The following FKBP5 variants were observed in gnomAD, a reference collection of about 807,000 sequenced individuals.
FKBP5 encodes peptidyl-prolyl cis-trans isomerase FKBP5.
Under a neutral mutation model 50.5 loss-of-function variants are expected in FKBP5, and 23 were observed. The observed-to-expected ratio is 0.46, with a 90% CI of 0.33 to 0.65. The LOEUF (loss-of-function observed/expected upper bound fraction) is 0.65. Among genes scored for constraint, FKBP5 ranks in the 30% least tolerant of loss-of-function variants. FKBP5 has a pLI of 0.02. For synonymous variants in FKBP5, 176 were observed against 190.6 expected (o/e 0.92, Z 0.63); for missense variants, 411 against 553.1 (o/e 0.74, Z 2.58).
intron 9 of FKBP5, among the ~76,000 whole-genome samples, chr6:35,577,571 A>C (rs2150949301): frequency 6.6e-6 from 1 of 152,372 alleles, no homozygotes; most frequent in East Asian, 1.9e-4. Context: ...ACAAACTTTA[A>C]AACTACTGAA....
intron 1 of FKBP5, among the ~76,000 whole-genome samples, chr6:35,684,067 A>G (rs1193334938): frequency 6.6e-6 from 1 of 152,100 alleles, no homozygotes; most frequent in African/African-American, 2.4e-5. Context: ...AAATAATAAT[A>G]ATAAAATAAA....
chr6:35,589,661 T>C (rs1251979089), intron 7 of FKBP5, among the ~76,000 whole-genome samples: 1 of 152,034 alleles, frequency 6.6e-6, no homozygotes. Context: ...AAAATGGAAA[T>C]AGTAAAGCCA....
upstream of FKBP5, among the ~76,000 whole-genome samples, chr6:35,690,006 C>T (rs1371093184): frequency 1.3e-5 from 2 of 152,196 alleles, no homozygotes; most frequent in African/African-American, 4.8e-5. Flanking sequence ...AACCTGATGT[C>T]CCATAGCTAG....
At chr6:35,696,599 CTT>C (rs1766086221) in intron 2 of FKBP5, among the ~76,000 whole-genome samples, 1 of 151,934 alleles carries the variant, frequency 6.6e-6, no homozygotes, top group African/African-American at 2.4e-5. Context: ...TTAAGTAAGA[CTT>C]AACGTTGTTA....
intron 9 of FKBP5, among the ~76,000 whole-genome samples, chr6:35,579,328 CTTTTA>C (rs759150931): frequency 2.0e-5 from 3 of 152,116 alleles, no homozygotes; most frequent in Non-Finnish European, 4.4e-5. Context: ...TTTTCTTATC[CTTTTA>C]TGTCTACCTT....
chr6:35,622,444 GAGGCT>G (rs1763873544), intron 3 of FKBP5, among the ~76,000 whole-genome samples: 1 of 151,628 alleles, frequency 6.6e-6, no homozygotes, highest in South Asian at 2.1e-4. Context: ...CTAGGAGTAA[GAGGCT>G]ACAGTGAGCA....
At chr6:35,582,350 C>A in intron 8 of FKBP5, 2 of 935,446 alleles carry the variant, frequency 2.1e-6, no homozygotes, top group Non-Finnish European at 2.5e-6. Context: ...GAAGCCCTCA[C>A]CCCGAATGTG....
intron 1 of FKBP5, among the ~76,000 whole-genome samples, chr6:35,724,408 G>T (rs191629931): frequency 5.5e-4 from 84 of 152,264 alleles, no homozygotes; most frequent in Admixed American, 1.6e-3. Flanking sequence ...TCAGCCTGTC[G>T]AATGGGCTAA....
chr6:35,591,028 ACAC>A (rs1344731501), intron 7 of FKBP5, 99 bp downstream of exon 7: 5 of 694,704 alleles, frequency 7.2e-6, no homozygotes, highest in Non-Finnish European at 1.2e-5. Flanking sequence ...TAATGAATAA[ACAC>A]CATCTATCTA....
chr6:35,708,286 C>T (rs1327176921), intron 2 of FKBP5, among the ~76,000 whole-genome samples: 2 of 151,956 alleles, frequency 1.3e-5, no homozygotes, highest in Non-Finnish European at 2.9e-5. Context: ...ACAGAGTCTC[C>T]CTCTGTCACC....
intron 5 of FKBP5, among the ~76,000 whole-genome samples, chr6:35,609,432 T>C (rs1040698525): frequency 1.3e-5 from 2 of 152,202 alleles, no homozygotes; most frequent in Admixed American, 6.5e-5. Context: ...CCTTTGTACA[T>C]AGCTTGTTCT....
At position 35,620,224 on chromosome 6, in the gene FKBP5, C is replaced by T. The variant is rs1200152776; in HGVS notation, c.301G>A (p.Glu101Lys). 1 of 1,614,168 alleles carries T rather than the reference C, an allele frequency of 6.2e-7. No homozygotes were observed. The highest frequency in any genetic ancestry group is 1.1e-5 in the South Asian group (1 of 91,084). ...GGTTTGCACAGTAAATGGCATATCT[C>T]TCCTTTCTTCATGGTAGCCACCCCA... Reference protein sequence around the residue: ...DIGVATMKKGEICHLLCKPEY... With the variant: ...DIGVATMKKGKICHLLCKPEY... The change falls in exon 4 of 11, where the codon GAG (glutamate) becomes AAG (lysine). Residue 101 changes from glutamate to lysine, a missense_variant. Physicochemically the swap from Glu to Lys is moderately conservative, Grantham distance 56. This residue lies in a region of FKBP5 where 267 missense variants were observed against 405.9 expected (regional missense o/e 0.66). Coordinates refer to ENST00000357266, the MANE Select transcript of FKBP5 (RefSeq NM_004117.4).
intron 2 of FKBP5, among the ~76,000 whole-genome samples, chr6:35,707,123 T>A (rs1356317202): frequency 6.6e-6 from 1 of 152,088 alleles, no homozygotes; most frequent in African/African-American, 2.4e-5. Flanking sequence ...AAAGGACTCG[T>A]TTTTATTGTA....
intron 8 of FKBP5, chr6:35,585,156 A>T (rs1175540993): frequency 1.0e-6 from 1 of 981,348 alleles, no homozygotes. Context: ...AAATCTTCCC[A>T]AACTGTTAAT....
At chr6:35,614,513 C>A (rs1763585490) in intron 5 of FKBP5, among the ~76,000 whole-genome samples, 6 of 151,934 alleles carry the variant, frequency 3.9e-5, no homozygotes, top group African/African-American at 1.5e-4. Context: ...AACATAATCA[C>A]ATTGAAGGGG....
At chr6:35,637,439 A>G (rs987527838) in intron 2 of FKBP5, among the ~76,000 whole-genome samples, 1 of 140,702 alleles carries the variant, frequency 7.1e-6, no homozygotes, top group Non-Finnish European at 1.6e-5. Flanking sequence ...TTAATGCCCT[A>G]TATTTTGACA....
intron 7 of FKBP5, among the ~76,000 whole-genome samples, chr6:35,588,003 C>T (rs1381771407): frequency 1.3e-5 from 2 of 151,820 alleles, no homozygotes; most frequent in African/African-American, 4.8e-5. Flanking sequence ...CCCCTGCTAT[C>T]CTCTACTTTT....
Position 35,575,679 on chromosome 6 carries a change from G to A in FKBP5, c.*156C>T. ...GTGAACCCTCCGGGCAGCAGCAGGGGGGCTGTTTTTGGGAAGCTACTGGTT... is the reference window on the plus strand; with the variant it reads ...GTGAACCCTCCGGGCAGCAGCAGGGAGGCTGTTTTTGGGAAGCTACTGGTT... On this transcript the variant is annotated 3_prime_UTR_variant, in exon 11 of 11. Transcript: ENST00000357266. 1.5e-6 allele frequency: 1 copy of A among 645,760 alleles called. No homozygotes were observed. The highest frequency in any genetic ancestry group is 2.8e-6 in the Non-Finnish European group (1 of 360,114). The allele number at this position is 645,760 out of a possible 1,614,324, so 40.0% of individuals were successfully genotyped here.
At chr6:35,629,128 A>G (rs959494854) in intron 3 of FKBP5, among the ~76,000 whole-genome samples, 47 of 150,408 alleles carry the variant, frequency 3.1e-4, no homozygotes, top group African/African-American at 1.1e-3. Flanking sequence ...GTTTTGAGTC[A>G]GTGTCTCGCT....
Sources: gnomAD v4.1 joint callset for allele counts (sites outside exome capture counted in the v4.1 genomes callset) on GRCh38, gnomAD v4.1.1 for gene constraint, gnomAD v4.1.1 regional missense constraint, MANE v1.5 for transcripts, NCBI Gene and HGNC (gene_info 2026-07-23, HGNC 2026-07-21) for gene names.